The following AQR variants were observed in gnomAD, a reference collection of about 807,000 sequenced individuals.
AQR encodes the protein aquarius intron-binding spliceosomal factor.
Under a neutral mutation model 180.5 loss-of-function variants are expected in AQR, and 61 were observed. The observed-to-expected ratio is 0.34, with a 90% CI of 0.28 to 0.42. The LOEUF is 0.42. Ranked by LOEUF, AQR falls within the 10% of genes least tolerant of loss-of-function variation. The pLI, the probability that AQR is intolerant of heterozygous loss-of-function variation, is 1.00. For missense variants in AQR, 1,281 were observed against 1,798.3 expected (o/e 0.71, Z 5.20); for synonymous variants, 551 against 588.8 (o/e 0.94, Z 0.93).
chr15:34,924,435 C>CTT (rs1225763729), intron 13 of AQR, among the ~76,000 whole-genome samples: 4 of 145,230 alleles, frequency 2.8e-5, no homozygotes, highest in Non-Finnish European at 1.5e-5. Context: ...AATCAATATA[C>CTT]TTTTTTTTTT....
chr15:34,943,138 C>A, intron 6 of AQR: 1 of 1,611,422 alleles, frequency 6.2e-7, no homozygotes, highest in Non-Finnish European at 8.5e-7. Flanking sequence ...AAGCACCAAC[C>A]CCATAAAGTG....
chr15:34,861,831 T>C (rs982301653), intron 33 of AQR, among the ~76,000 whole-genome samples: 3 of 152,146 alleles, frequency 2.0e-5, no homozygotes, highest in Non-Finnish European at 4.4e-5. Flanking sequence ...TTTTATAAAG[T>C]ACTTATTATT....
intron 31 of AQR, chr15:34,869,638 T>C (rs895530479): frequency 1.3e-5 from 2 of 152,152 alleles, no homozygotes; most frequent in African/African-American, 4.8e-5. Flanking sequence ...GTCCTTCTAT[T>C]TCTAAACTTG....
chr15:34,917,635 C>T (rs1188648629), intron 15 of AQR, among the ~76,000 whole-genome samples: 1 of 152,050 alleles, frequency 6.6e-6, no homozygotes, highest in Admixed American at 6.6e-5. Context: ...CAAACACAGC[C>T]TATCATAGTG....
intron 32 of AQR, among the ~76,000 whole-genome samples, chr15:34,866,913 C>A (rs1043424507): frequency 6.6e-6 from 1 of 151,860 alleles, no homozygotes; most frequent in African/African-American, 2.4e-5. Flanking sequence ...CTTTTTATTT[C>A]TAATCAATAA....
chr15:34,874,556 G>T, intron 29 of AQR, 121 bp downstream of exon 29: 5 of 1,199,340 alleles, frequency 4.2e-6, no homozygotes, highest in Non-Finnish European at 4.7e-6. Flanking sequence ...TGGATTTATG[G>T]ATAGCCAAGT....
intron 2 of AQR, among the ~76,000 whole-genome samples, chr15:34,961,658 A>C (rs2050279853): frequency 1.0e-5 from 1 of 96,952 alleles, no homozygotes; most frequent in East Asian, 2.8e-4. Context: ...GGAACTGTAC[A>C]TCTCAAAAAA....
intron 3 of AQR, among the ~76,000 whole-genome samples, chr15:34,959,739 A>G (rs2050263233): frequency 1.3e-5 from 2 of 152,224 alleles, no homozygotes; most frequent in African/African-American, 4.8e-5. Flanking sequence ...TATCTTTCTC[A>G]AATGGACAAT....
intron 4 of AQR, among the ~76,000 whole-genome samples, chr15:34,950,131 C>G (rs1370034575): frequency 1.7e-5 from 2 of 118,128 alleles, no homozygotes; most frequent in African/African-American, 6.6e-5. Context: ...CACTCTGTTG[C>G]CAGGCTGGAG....
At chr15:34,906,035 G>T (rs766278059) in intron 18 of AQR, among the ~76,000 whole-genome samples, 37 of 151,528 alleles carry the variant, frequency 2.4e-4, no homozygotes, top group African/African-American at 7.5e-4. Context: ...CTCCGTCTTG[G>T]GGGGAAAAAA....
chr15:34,965,792 G>T (rs935986472), intron 1 of AQR, among the ~76,000 whole-genome samples: 1 of 151,930 alleles, frequency 6.6e-6, no homozygotes, highest in Non-Finnish European at 1.5e-5. Flanking sequence ...GCTCCCTATG[G>T]GCATCATAAA....
At chr15:34,922,347 T>C (rs190249514) in intron 13 of AQR, among the ~76,000 whole-genome samples, 1 of 152,188 alleles carries the variant, frequency 6.6e-6, no homozygotes. Flanking sequence ...TACATATTTT[T>C]GTGTGAACAT....
At position 34,900,876 on chromosome 15, in the gene AQR, G is replaced by C. The variant is rs1425411645; in HGVS notation, c.2002-13C>G. On this transcript the variant is annotated splice_polypyrimidine_tract_variant and intron_variant, in intron 19 of 34. Transcript: ENST00000156471. ...TCTCCAGCACAGCCTGTCAGTAAAA[G>C]GACAGAAAAAGATTGTGTCAGTATG... The C allele has an allele frequency of 6.4e-7, 1 of 1,574,588 alleles. No individual in the cohort carries two copies. Among genetic ancestry groups the C allele is most frequent in the Admixed American group, 1.8e-5 (1 of 56,296 alleles).
intron 27 of AQR, among the ~76,000 whole-genome samples, chr15:34,881,977 T>G (rs990047701): frequency 6.6e-6 from 1 of 152,204 alleles, no homozygotes; most frequent in Admixed American, 6.5e-5. Context: ...AGCTAGTTTT[T>G]GTATTTTTAA....
Position 34,867,390 on chromosome 15 carries a change from AC to A in AQR, c.3854+133del, listed in dbSNP as rs1892750157. 1.2e-5 allele frequency: 8 copies of A among 693,486 alleles called. No homozygotes were observed. In the East Asian group the frequency reaches 2.3e-4, roughly 20 times the overall value. 43.0% of individuals were successfully genotyped at this position (693,486 alleles called of 1,614,324 possible). A position where few individuals can be genotyped will look rare whatever the true frequency, so the allele number is the denominator to read the frequency against. On this transcript the variant is annotated intron_variant, in intron 32 of 34. Transcript: ENST00000156471. ...ACAAGGAATTTGATGTTACATTCCA[AC>A]AAAAAGCAGCAAAAGTTGCCTAGTA...
chr15:34,859,784 ACTGTG>A, intron 34 of AQR, among the ~76,000 whole-genome samples: 1 of 152,312 alleles, frequency 6.6e-6, no homozygotes, highest in Non-Finnish European at 1.5e-5. Flanking sequence ...CTTTATCTTG[ACTGTG>A]CTGATGGCTT....
At chr15:34,910,388 T>A in intron 16 of AQR, 75 bp from the exon 17 acceptor site, 1 of 1,475,418 alleles carries the variant, frequency 6.8e-7, no homozygotes, top group Non-Finnish European at 9.3e-7. Context: ...TTAAAACTAG[T>A]AAGTAGGAAT....
chr15:34,906,437 T>C (rs1595793018), intron 18 of AQR, 108 bp downstream of exon 18: 2 of 1,317,058 alleles, frequency 1.5e-6, no homozygotes, highest in East Asian at 2.4e-5. Context: ...TGTGTCAATT[T>C]AGTAGGTAAA....
chr15:34,912,644 GA>G (rs910267939), intron 16 of AQR, among the ~76,000 whole-genome samples: 46 of 142,714 alleles, frequency 3.2e-4, no homozygotes, highest in East Asian at 1.4e-3. Flanking sequence ...GGATTGGAAG[GA>G]AAAAAAAAAA....
Sources: allele counts gnomAD v4.1 joint callset (sites outside exome capture counted in the v4.1 genomes callset), GRCh38; gene constraint gnomAD v4.1.1; transcripts MANE v1.5; gene names NCBI Gene and HGNC (gene_info 2026-07-23, HGNC 2026-07-21).